PAPPA2: variants seen among roughly 807,000 people sequenced by gnomAD.
The protein encoded by PAPPA2 is pappalysin-2.
PAPPA2 carries 86 observed loss-of-function variants against 176.4 expected under a neutral mutation model. The observed-to-expected ratio is 0.49, with a 90% CI of 0.41 to 0.58. The LOEUF (loss-of-function observed/expected upper bound fraction) is 0.58. Ranked by LOEUF, PAPPA2 falls within the 20% of genes least tolerant of loss-of-function variation. PAPPA2 has a pLI of 0.00. For synonymous variants in PAPPA2, 809 were observed against 852.2 expected (o/e 0.95, Z 0.88); for missense variants, 2,073 against 2,256.9 (o/e 0.92, Z 1.65).
chr1:176,484,041 T>C (rs1249473549), intron 1 of PAPPA2, among the ~76,000 whole-genome samples: 2 of 152,216 alleles, frequency 1.3e-5, no homozygotes, highest in East Asian at 1.9e-4. Context: ...ATACCCAGAA[T>C]TGGACCACAT....
intron 1 of PAPPA2, among the ~76,000 whole-genome samples, chr1:176,504,206 A>G (rs896763457): frequency 1.3e-5 from 2 of 152,118 alleles, no homozygotes; most frequent in Non-Finnish European, 2.9e-5. Context: ...TCATCAGGAA[A>G]AAAATAAATA....
At chr1:176,707,881 C>A (rs146207485) in intron 10 of PAPPA2, among the ~76,000 whole-genome samples, 177 of 152,208 alleles carry the variant, frequency 1.2e-3, no homozygotes, top group Middle Eastern at 6.8e-3. Context: ...TCCAAACATC[C>A]CCTCATGTGA....
intron 3 of PAPPA2, among the ~76,000 whole-genome samples, chr1:176,607,437 C>G (rs1323309017): frequency 1.3e-5 from 2 of 152,182 alleles, no homozygotes; most frequent in Non-Finnish European, 2.9e-5. Context: ...TTTTAGCTCC[C>G]ACATATGAGT....
intron 12 of PAPPA2, among the ~76,000 whole-genome samples, chr1:176,729,134 T>C (rs767630975): frequency 6.6e-6 from 1 of 152,000 alleles, no homozygotes; most frequent in Non-Finnish European, 1.5e-5. Flanking sequence ...CCTGTCAAAC[T>C]TTAGCCTTTA....
intron 3 of PAPPA2, among the ~76,000 whole-genome samples, chr1:176,629,527 T>A (rs986807951): frequency 9.2e-5 from 14 of 152,164 alleles, no homozygotes; most frequent in East Asian, 1.9e-4. Context: ...TAAAGTAGTC[T>A]GTGTTTGAAT....
intron 1 of PAPPA2, among the ~76,000 whole-genome samples, chr1:176,484,909 C>T (rs1652577693): frequency 6.6e-6 from 1 of 152,088 alleles, no homozygotes; most frequent in Non-Finnish European, 1.5e-5. Flanking sequence ...TCTTTCCTGC[C>T]CCAGCACCAG....
rs945191494 is a variant in PAPPA2 at position 176,572,101 on chromosome 1, G to A, written c.919+14860G>A. 5.9e-5 allele frequency among the ~76,000 whole-genome samples: 9 copies of A among 152,188 alleles called. No homozygotes were observed. In the South Asian group the frequency reaches 1.0e-3, roughly 18 times the overall value. ...AAAGTTACTTTCCTGACATTACACA[G>A]GGGCAGACTGAGACCCCAATCTAAG... On this transcript the variant is annotated intron_variant, in intron 2 of 22. Coordinates refer to ENST00000367662, the MANE Select transcript of PAPPA2 (RefSeq NM_020318.3).
intron 12 of PAPPA2, among the ~76,000 whole-genome samples, chr1:176,736,490 T>TATA (rs929912315): frequency 5.4e-5 from 8 of 147,328 alleles, no homozygotes; most frequent in African/African-American, 1.7e-4. Context: ...TAAAAATATA[T>TATA]ATTTATATAT....
chr1:176,752,411 C>T (rs921595324), intron 14 of PAPPA2, among the ~76,000 whole-genome samples: 14 of 151,100 alleles, frequency 9.3e-5, no homozygotes, highest in Non-Finnish European at 1.9e-4. Context: ...GGAGTCCAGC[C>T]TCTAGCTGTT....
intron 14 of PAPPA2, among the ~76,000 whole-genome samples, chr1:176,758,910 T>A (rs932916307): frequency 6.6e-6 from 1 of 152,158 alleles, no homozygotes; most frequent in African/African-American, 2.4e-5. Flanking sequence ...GGAAGGGCCC[T>A]TTGATAGAAG....
At chr1:176,588,138 G>A (rs73044597) in intron 2 of PAPPA2, among the ~76,000 whole-genome samples, 6,051 of 152,212 alleles carry the variant, frequency 0.04, 401 homozygotes, top group African/African-American at 0.14. Flanking sequence ...TCACTTGTTG[G>A]CTGTATTCCT....
intron 12 of PAPPA2, among the ~76,000 whole-genome samples, chr1:176,739,399 A>T (rs1662565035): frequency 6.6e-6 from 1 of 152,174 alleles, no homozygotes; most frequent in African/African-American, 2.4e-5. Flanking sequence ...TCAGAAAAAG[A>T]TAGGATGTTC....
chr1:176,765,140 A>G (rs1009963855), intron 14 of PAPPA2, among the ~76,000 whole-genome samples: 3 of 152,318 alleles, frequency 2.0e-5, no homozygotes, highest in Admixed American at 6.5e-5. Flanking sequence ...ATATTTCCAT[A>G]CCAATCGGTT....
intron 12 of PAPPA2, among the ~76,000 whole-genome samples, chr1:176,735,927 A>G (rs957305571): frequency 1.3e-5 from 2 of 152,124 alleles, no homozygotes; most frequent in African/African-American, 2.4e-5. Flanking sequence ...ATATCTAGCT[A>G]AAGTTTTTCT....
chr1:176,609,567 G>A (rs1216345817), intron 3 of PAPPA2, among the ~76,000 whole-genome samples: 1 of 152,216 alleles, frequency 6.6e-6, no homozygotes, highest in Non-Finnish European at 1.5e-5. Flanking sequence ...AGTGAGCCAC[G>A]TGGAATCTAG....
At chr1:176,792,920 C>T (rs906742029) in intron 19 of PAPPA2, among the ~76,000 whole-genome samples, 8 of 152,084 alleles carry the variant, frequency 5.3e-5, no homozygotes, top group Admixed American at 4.6e-4. Flanking sequence ...CTACAAGAGA[C>T]CAACACATGC....
intron 21 of PAPPA2, among the ~76,000 whole-genome samples, chr1:176,818,319 G>C (rs551304412): frequency 6.6e-6 from 1 of 152,174 alleles, no homozygotes; most frequent in African/African-American, 2.4e-5. Context: ...TCAGTCAAGA[G>C]TCAAGTGAGA....
At position 176,843,729 on chromosome 1, in the gene PAPPA2, G is replaced by A. The variant is rs530694923; in HGVS notation, c.*1275G>A. 2 of 152,186 alleles carry A rather than the reference G, an allele frequency of 1.3e-5. No homozygotes were observed. Among genetic ancestry groups the A allele is most frequent in the East Asian group, 1.9e-4 (1 of 5,158 alleles). 9.4% of individuals were successfully genotyped at this position (152,186 alleles called of 1,614,324 possible). Reference sequence around the variant, plus strand: ...AGCTGTCAGGGTTAAATCCAGGCCCGGGCATGAGAATGGAAGTGATCAGGG... The same window carrying A: ...AGCTGTCAGGGTTAAATCCAGGCCCAGGCATGAGAATGGAAGTGATCAGGG... On this transcript the variant is annotated 3_prime_UTR_variant, in exon 23 of 23. Coordinates refer to ENST00000367662, the MANE Select transcript of PAPPA2 (RefSeq NM_020318.3).
chr1:176,691,995 T>C, intron 5 of PAPPA2, 131 bp from the exon 6 acceptor site: 1 of 830,006 alleles, frequency 1.2e-6, no homozygotes, highest in Admixed American at 2.7e-5. Context: ...TGTTCATTCA[T>C]TCAACAAGTA....
Sources: gnomAD v4.1 joint callset for allele counts (sites outside exome capture counted in the v4.1 genomes callset) on GRCh38, gnomAD v4.1.1 for gene constraint, MANE v1.5 for transcripts, NCBI Gene and HGNC (gene_info 2026-07-23, HGNC 2026-07-21) for gene names.